The following AASDH variants were observed in gnomAD, a reference collection of about 807,000 sequenced individuals.
The protein encoded by AASDH is aminoadipate-semialdehyde dehydrogenase.
Under a neutral mutation model 102.3 loss-of-function variants are expected in AASDH, and 81 were observed. That is an observed-to-expected ratio of 0.79 (90% confidence interval 0.66 to 0.95). The LOEUF is 0.95. Among genes scored for constraint, AASDH ranks in the 40% least tolerant of loss-of-function variants. AASDH has a pLI of 0.00. For synonymous variants in AASDH, 398 were observed against 454.0 expected (o/e 0.88, Z 1.57); for missense variants, 1,203 against 1,266.2 (o/e 0.95, Z 0.76).
At chr4:56,344,984 C>T in intron 12 of AASDH, 143 bp downstream of exon 12, 1 of 645,878 alleles carries the variant, frequency 1.5e-6, no homozygotes, top group South Asian at 3.1e-5. Context: ...CTCTGTCACC[C>T]AGGGTGGAAT....
intron 4 of AASDH, among the ~76,000 whole-genome samples, chr4:56,373,373 C>T (rs1483831077): frequency 6.6e-6 from 1 of 152,022 alleles, no homozygotes; most frequent in African/African-American, 2.4e-5. Flanking sequence ...GAACTCCTGA[C>T]CTCAAATGAT....
chr4:56,366,880 G>T (rs1578026926), intron 5 of AASDH, among the ~76,000 whole-genome samples: 3 of 150,706 alleles, frequency 2.0e-5, no homozygotes, highest in Admixed American at 6.6e-5. Flanking sequence ...GGGCAATTAG[G>T]CAGGAGAAGG....
At chr4:56,363,277 T>TGA (rs1750551512) in intron 5 of AASDH, among the ~76,000 whole-genome samples, 1 of 152,208 alleles carries the variant, frequency 6.6e-6, no homozygotes, top group African/African-American at 2.4e-5. Context: ...TGCCTGCCTC[T>TGA]GTAGGCTCCA....
chr4:56,363,953 C>T (rs1267518392), intron 5 of AASDH, among the ~76,000 whole-genome samples: 1 of 151,950 alleles, frequency 6.6e-6, no homozygotes, highest in African/African-American at 2.4e-5. Context: ...GAACCAATGG[C>T]AAAGAAGTTA....
rs202166110 is a variant in AASDH, at chr4:56,349,974, T to C, written c.1777A>G (p.Ile593Val). The C allele has an allele frequency of 8.9e-5, 144 of 1,613,222 alleles. No individual in the cohort carries two copies. The highest frequency in any genetic ancestry group is 1.2e-4 in the Non-Finnish European group (137 of 1,180,018). Residue 593 changes from isoleucine to valine, a missense_variant, in exon 11 of 15, where the codon ATC becomes GTC. Transcript: ENST00000205214. Reference protein sequence around the residue: ...LNSGGDSLKSIRLLSEIEKLV... With the variant: ...LNSGGDSLKSVRLLSEIEKLV... The stretch of plus-strand genomic sequence containing the variant: ...TTTTCAATCTCACTGAGGAGCCGGA[T>C]GGACTTTAAGGAATCTCCACCACTA...
intron 5 of AASDH, among the ~76,000 whole-genome samples, chr4:56,362,908 C>A (rs1193616108): frequency 6.6e-6 from 1 of 152,150 alleles, no homozygotes; most frequent in Non-Finnish European, 1.5e-5. Context: ...CGTGTGTAAG[C>A]CAAAGCAGGG....
At position 56,351,342 on chromosome 4, in the gene AASDH, C is replaced by G. The variant is rs1339240472; in HGVS notation, c.1692G>C (p.Lys564Asn). The change falls in exon 10 of 15, where the codon AAG becomes AAC. Residue 564 changes from lysine (K) to asparagine (N), a missense_variant and splice_region_variant. Lys to Asn is a moderately conservative substitution (Grantham distance 94, BLOSUM62 0). Transcript: ENST00000205214. Reference sequence around the variant, plus strand: ...TAATTTTATAACTTAAAAATTGTACCTTCCACAAATACTGTAATTTTTCCC... The same window carrying G: ...TAATTTTATAACTTAAAAATTGTACGTTCCACAAATACTGTAATTTTTCCC... ...DLWEKLQYLW[K>N]STLNLPEDLL... The G allele has an allele frequency of 1.3e-6, 2 of 1,539,530 alleles. No individual in the cohort carries two copies. Among genetic ancestry groups the G allele is most frequent in the Non-Finnish European group, 1.8e-6 (2 of 1,119,914 alleles).
chr4:56,353,382 T>G lies in AASDH; in HGVS notation c.1576+22A>C, dbSNP rs373982030. The G allele has an allele frequency of 1.8e-5, 28 of 1,560,018 alleles. No homozygotes were observed. The African/African-American group carries it at 3.3e-4, about 18-fold the overall frequency. ...ATTAGTATTATTTGGCACTGAAACA[T>G]ATCTGCTTTAAATTACTTTACCGTG... On this transcript the variant is annotated intron_variant, in intron 9 of 14. Transcript: ENST00000205214.
intron 10 of AASDH, among the ~76,000 whole-genome samples, chr4:56,350,820 A>G (rs981857075): frequency 6.6e-6 from 1 of 152,194 alleles, no homozygotes; most frequent in African/African-American, 2.4e-5. Flanking sequence ...AAGGCTACAC[A>G]ATTACATCCT....
At position 56,354,116 on chromosome 4, in the gene AASDH, C is replaced by T. The variant is rs775852464; in HGVS notation, c.1306G>A (p.Glu436Lys). The T allele has an allele frequency of 1.2e-6, 2 of 1,613,352 alleles. No homozygotes were observed. Among genetic ancestry groups the T allele is most frequent in the South Asian group, 1.1e-5 (1 of 90,982 alleles). Residue 436 changes from glutamate (E) to lysine (K), a missense_variant, in exon 8 of 15, where the codon GAG (glutamate) becomes AAG (lysine). Coordinates refer to ENST00000205214, the MANE Select transcript of AASDH (RefSeq NM_181806.4). The part of the protein sequence containing the change: ...TGDFVTVKDG[E>K]IFFLGRKDSQ... Reference sequence around the variant, plus strand: ...TCTTTTCGTCCCAAAAAAAAAATCTCTCCATCTTTCACAGTCACAAAGTCT... The same window carrying T: ...TCTTTTCGTCCCAAAAAAAAAATCTTTCCATCTTTCACAGTCACAAAGTCT...
chr4:56,364,653 C>A (rs1356119597), intron 5 of AASDH, among the ~76,000 whole-genome samples: 1 of 152,134 alleles, frequency 6.6e-6, no homozygotes, highest in Non-Finnish European at 1.5e-5. Flanking sequence ...AAATACTTTA[C>A]AGATAAGCAA....
intron 5 of AASDH, chr4:56,356,689 A>G: frequency 1.4e-6 from 1 of 693,416 alleles, no homozygotes; most frequent in East Asian, 2.6e-5. Context: ...TATCAAGGGG[A>G]AGGGAAGACT....
At chr4:56,379,297 C>T (rs567016326) in intron 3 of AASDH, among the ~76,000 whole-genome samples, 2 of 152,118 alleles carry the variant, frequency 1.3e-5, no homozygotes, top group South Asian at 4.1e-4. Context: ...AAACACCCAG[C>T]TAGCTTTTTA....
At chr4:56,372,499 G>T (rs1751843686) in intron 4 of AASDH, among the ~76,000 whole-genome samples, 1 of 152,114 alleles carries the variant, frequency 6.6e-6, no homozygotes. Context: ...AATATATGTG[G>T]TTAGGCTCTT....
At chr4:56,345,423 A>G in intron 11 of AASDH, 133 bp from the exon 12 acceptor site, 1 of 798,468 alleles carries the variant, frequency 1.3e-6, no homozygotes, top group African/African-American at 1.7e-5. Flanking sequence ...TCTGGCTTAC[A>G]TTTTAGCAAT....
intron 8 of AASDH, among the ~76,000 whole-genome samples, 182 bp downstream of exon 8, chr4:56,353,857 A>G (rs1033880819): frequency 1.1e-4 from 17 of 152,344 alleles, no homozygotes; most frequent in African/African-American, 3.8e-4. Flanking sequence ...TATTTAAAGA[A>G]TAACCATCTC....
intron 4 of AASDH, among the ~76,000 whole-genome samples, chr4:56,373,208 C>T (rs1368465354): frequency 2.0e-5 from 3 of 152,090 alleles, no homozygotes; most frequent in Non-Finnish European, 1.5e-5. Flanking sequence ...GGCATGATCT[C>T]GGCTCACTGC....
At chr4:56,376,626 C>T (rs1318312264) in intron 4 of AASDH, among the ~76,000 whole-genome samples, 1 of 151,986 alleles carries the variant, frequency 6.6e-6, no homozygotes, top group Non-Finnish European at 1.5e-5. Flanking sequence ...TATGGCTAGT[C>T]CACGTTGAGA....
At chr4:56,356,430 C>G in intron 5 of AASDH, 1 of 1,585,526 alleles carries the variant, frequency 6.3e-7, no homozygotes, top group Non-Finnish European at 8.6e-7. Context: ...TAAGCTGGCC[C>G]ACAAGTACAG....
Sources: gnomAD v4.1 joint callset for allele counts (sites outside exome capture counted in the v4.1 genomes callset) on GRCh38, gnomAD v4.1.1 for gene constraint, MANE v1.5 for transcripts, NCBI Gene and HGNC (gene_info 2026-07-23, HGNC 2026-07-21) for gene names.